The following TRDN variants were observed in gnomAD, a reference collection of about 807,000 sequenced individuals.
The protein encoded by TRDN is triadin in skeletal muscle.
Under a neutral mutation model 149.7 loss-of-function variants are expected in TRDN, and 161 were observed. That is an observed-to-expected ratio of 1.08 (90% CI 0.95 to 1.23). The LOEUF (loss-of-function observed/expected upper bound fraction) is 1.23. Among genes scored for constraint, TRDN ranks in the 50% most tolerant of loss-of-function variants. The pLI is 0.00. For missense variants in TRDN, 896 were observed against 823.5 expected, an observed-to-expected ratio of 1.09 and a Z score of -1.08; for synonymous variants, 294 against 250.5, an observed-to-expected ratio of 1.17 and a Z score of -1.64.
intron 9 of TRDN, among the ~76,000 whole-genome samples, chr6:123,478,608 T>C (rs555516361): frequency 1.4e-4 from 21 of 152,200 alleles, no homozygotes; most frequent in African/African-American, 4.8e-4. Context: ...CCAAAGCTGA[T>C]AGGGAAAGAG....
chr6:123,454,079 A>G (rs1217785874), intron 10 of TRDN, among the ~76,000 whole-genome samples: 2 of 152,148 alleles, frequency 1.3e-5, no homozygotes, highest in Non-Finnish European at 2.9e-5. Context: ...GAGCTAAGCT[A>G]TAAGGACACA....
chr6:123,407,079 G>C (rs1426925273), intron 12 of TRDN, among the ~76,000 whole-genome samples: 1 of 152,124 alleles, frequency 6.6e-6, no homozygotes, highest in African/African-American at 2.4e-5. Flanking sequence ...TGGGAGCTTT[G>C]ATAATATACT....
chr6:123,278,704 A>G (rs976652677), intron 25 of TRDN, among the ~76,000 whole-genome samples: 1 of 152,202 alleles, frequency 6.6e-6, no homozygotes, highest in Non-Finnish European at 1.5e-5. Context: ...TGGTAGGCAG[A>G]GGTTGCAGTG....
At chr6:123,518,252 C>T (rs370436065) in intron 5 of TRDN, among the ~76,000 whole-genome samples, 8 of 152,114 alleles carry the variant, frequency 5.3e-5, no homozygotes, top group South Asian at 4.2e-4. Flanking sequence ...GTTGTTTATT[C>T]GCTACTCAGT....
intron 1 of TRDN, among the ~76,000 whole-genome samples, chr6:123,589,226 T>C (rs1165484024): frequency 6.6e-6 from 1 of 152,194 alleles, no homozygotes; most frequent in Non-Finnish European, 1.5e-5. Flanking sequence ...CTCACGGATA[T>C]AGTAGCAAGG....
chr6:123,289,057 T>C (rs562225177), intron 24 of TRDN, among the ~76,000 whole-genome samples: 4 of 147,154 alleles, frequency 2.7e-5, no homozygotes, highest in East Asian at 3.9e-4. Context: ...ATACACTATA[T>C]ATATATAGTA....
At chr6:123,516,369 TA>T (rs1222814526) in intron 5 of TRDN, among the ~76,000 whole-genome samples, 163 bp from the exon 6 acceptor site, 1 of 152,132 alleles carries the variant, frequency 6.6e-6, no homozygotes, top group Non-Finnish European at 1.5e-5. Flanking sequence ...TCAAGATAAT[TA>T]CAGATTTATT....
intron 24 of TRDN, among the ~76,000 whole-genome samples, chr6:123,299,574 G>A (rs1051163283): frequency 1.3e-5 from 2 of 151,978 alleles, no homozygotes; most frequent in African/African-American, 4.8e-5. Flanking sequence ...TCATACAGGT[G>A]CCCACAAGAG....
chr6:123,480,224 T>C lies in TRDN; in HGVS notation c.854-15241A>G, dbSNP rs1163107609. 2.1e-4 allele frequency among the ~76,000 whole-genome samples: 31 copies of C among 145,954 alleles called. 1 individual carries two copies. The highest frequency in any genetic ancestry group is 5.3e-4 in the African/African-American group (21 of 39,734). ...AAATATCATTAAAAATGACTGACTT[T>C]CATAACAGAGTGACACTCCGTTTCC... On this transcript the variant is annotated intron_variant, in intron 9 of 40. Coordinates refer to ENST00000334268, the MANE Select transcript of TRDN (RefSeq NM_006073.4).
intron 24 of TRDN, among the ~76,000 whole-genome samples, chr6:123,308,595 G>A (rs904540316): frequency 2.6e-5 from 4 of 151,952 alleles, no homozygotes; most frequent in African/African-American, 9.7e-5. Flanking sequence ...CAAAGTGAAT[G>A]TTCCCAAATT....
At chr6:123,623,553 C>T (rs1315668797) in intron 1 of TRDN, among the ~76,000 whole-genome samples, 4 of 152,012 alleles carry the variant, frequency 2.6e-5, no homozygotes, top group African/African-American at 9.7e-5. Flanking sequence ...CCCTGAATGC[C>T]AATAAAGTGT....
intron 9 of TRDN, among the ~76,000 whole-genome samples, chr6:123,492,997 C>T (rs1356515235): frequency 2.0e-5 from 3 of 152,100 alleles, no homozygotes; most frequent in East Asian, 1.9e-4. Context: ...AAAACACATC[C>T]TGTATAACGC....
At chr6:123,480,244 G>A (rs1400066446) in intron 9 of TRDN, among the ~76,000 whole-genome samples, 21 of 123,552 alleles carry the variant, frequency 1.7e-4, no homozygotes, top group African/African-American at 3.1e-4. Context: ...GTGACACTCC[G>A]TTTCCAAAAA....
intron 9 of TRDN, chr6:123,489,466 T>TA (rs1358280013): frequency 2.0e-5 from 3 of 152,148 alleles, no homozygotes. Flanking sequence ...GTTCTGTTTA[T>TA]AAAAATTAAT....
chr6:123,404,664 C>T (rs1183932695), intron 12 of TRDN, among the ~76,000 whole-genome samples: 4 of 152,050 alleles, frequency 2.6e-5, no homozygotes, highest in Admixed American at 6.5e-5. Context: ...AGGTTTGTTT[C>T]GAACTCTTGA....
chr6:123,552,856 C>T (rs1781464397), intron 2 of TRDN, among the ~76,000 whole-genome samples: 1 of 152,058 alleles, frequency 6.6e-6, no homozygotes, highest in Non-Finnish European at 1.5e-5. Flanking sequence ...CAATGCCTTG[C>T]TTTCCCAAAG....
intron 4 of TRDN, among the ~76,000 whole-genome samples, chr6:123,539,649 A>G (rs1209683440): frequency 6.6e-6 from 1 of 152,244 alleles, no homozygotes; most frequent in African/African-American, 2.4e-5. Context: ...AGCATCAACT[A>G]TCAATAGTTA....
chr6:123,556,693 TCTCA>T (rs1265112830), intron 2 of TRDN, among the ~76,000 whole-genome samples: 2 of 150,258 alleles, frequency 1.3e-5, no homozygotes, highest in Admixed American at 1.3e-4. Context: ...TGTCTCTAAA[TCTCA>T]CTCACTCTCT....
intron 24 of TRDN, among the ~76,000 whole-genome samples, chr6:123,305,428 G>A (rs906562210): frequency 3.9e-5 from 6 of 152,106 alleles, no homozygotes; most frequent in African/African-American, 1.4e-4. Flanking sequence ...GTCTTAAATT[G>A]TTTTAGGTTC....
Sources: gnomAD v4.1 joint callset for allele counts (sites outside exome capture counted in the v4.1 genomes callset) on GRCh38, gnomAD v4.1.1 for gene constraint, MANE v1.5 for transcripts, NCBI Gene and HGNC (gene_info 2026-07-23, HGNC 2026-07-21) for gene names.